The following RIMBP2 variants were observed in gnomAD, a reference collection of about 807,000 sequenced individuals.
RIMBP2 encodes RIMS binding protein 2.
A neutral mutation model predicts 118.6 loss-of-function variants in RIMBP2; 48 were observed. The ratio of observed to expected loss-of-function variants is 0.40; its 90% CI spans 0.32 to 0.51. RIMBP2 has a LOEUF of 0.51. RIMBP2 is among the 20% of genes least tolerant of loss of function. RIMBP2 has a pLI of 0.41. For missense variants in RIMBP2, 1,551 were observed against 1,768.3 expected (o/e 0.88, Z 2.20); for synonymous variants, 762 against 742.9 (o/e 1.03, Z -0.42).
chr12:130,451,468 C>T (rs1247604375), intron 7 of RIMBP2, 128 bp from the exon 8 acceptor site: 3 of 994,044 alleles, frequency 3.0e-6, no homozygotes, highest in South Asian at 1.7e-5. Context: ...ATTTTGGGGT[C>T]CACCCGTCTC....
At chr12:130,412,385 C>G (rs1015554276) in intron 19 of RIMBP2, among the ~76,000 whole-genome samples, 1 of 152,216 alleles carries the variant, frequency 6.6e-6, no homozygotes, top group African/African-American at 2.4e-5. Flanking sequence ...ATTAGATCAT[C>G]TGTGTCTTCA....
At chr12:130,404,701 G>T (rs1771441351) in intron 21 of RIMBP2, among the ~76,000 whole-genome samples, 2 of 152,212 alleles carry the variant, frequency 1.3e-5, no homozygotes, top group Non-Finnish European at 2.9e-5. Flanking sequence ...CGCATGCTAT[G>T]TCAGAATTGA....
intron 1 of RIMBP2, among the ~76,000 whole-genome samples, chr12:130,705,658 C>G (rs549563382): frequency 6.6e-5 from 10 of 152,370 alleles, no homozygotes; most frequent in Admixed American, 3.9e-4. Context: ...TGCTCTTTCT[C>G]TCCTTCTGTG....
intron 2 of RIMBP2, among the ~76,000 whole-genome samples, chr12:130,532,679 A>G (rs1451112146): frequency 7.8e-6 from 1 of 128,640 alleles, no homozygotes; most frequent in African/African-American, 2.7e-5. Flanking sequence ...AGGGACGTCT[A>G]ATGAGATGCG....
intron 2 of RIMBP2, among the ~76,000 whole-genome samples, chr12:130,557,649 T>C (rs1460667477): frequency 6.6e-6 from 1 of 152,190 alleles, no homozygotes; most frequent in Non-Finnish European, 1.5e-5. Context: ...TGTGTGTTGT[T>C]TGAAGCCACC....
chr12:130,521,201 G>A (rs1485155261), intron 2 of RIMBP2, among the ~76,000 whole-genome samples: 3 of 152,172 alleles, frequency 2.0e-5, no homozygotes, highest in Non-Finnish European at 4.4e-5. Context: ...ACAGGGAGGT[G>A]GACACTACCC....
chr12:130,529,612 T>C (rs1023124719), intron 2 of RIMBP2, among the ~76,000 whole-genome samples: 1 of 152,192 alleles, frequency 6.6e-6, no homozygotes, highest in Admixed American at 6.5e-5. Flanking sequence ...GTTAATTTTA[T>C]GTTATGTCAA....
At chr12:130,453,069 T>C (rs1187707878) in intron 7 of RIMBP2, among the ~76,000 whole-genome samples, 1 of 152,154 alleles carries the variant, frequency 6.6e-6, no homozygotes, top group East Asian at 1.9e-4. Flanking sequence ...ACGTATGTTC[T>C]AGAAAAATAT....
At position 130,438,443 on chromosome 12, in the gene RIMBP2, T is replaced by C. The variant is rs1190288945; in HGVS notation, c.1578A>G (p.Arg526=). The change falls in exon 12 of 23, where the codon AGA becomes AGG. Residue 526 remains arginine (R), a synonymous_variant. Coordinates refer to ENST00000690449, the MANE Select transcript of RIMBP2 (RefSeq NM_001393629.1). The part of the protein sequence containing the change: ...VTPATIRVSW[R]PPVLTPTGLS... ...GCCCGGTGGGCGTCAGCACAGGTGGTCTCCAGGAGACCCGGATGGTGGCGG... is the reference window on the plus strand; with the variant it reads ...GCCCGGTGGGCGTCAGCACAGGTGGCCTCCAGGAGACCCGGATGGTGGCGG... 2.5e-6 allele frequency: 4 copies of C among 1,608,952 alleles called. No individual in the cohort carries two copies. In the African/African-American group the frequency reaches 5.5e-5, roughly 22 times the overall value.
At chr12:130,438,341 C>CCG (rs1555249208) in intron 12 of RIMBP2, 24 bp downstream of exon 12, 3 of 1,387,658 alleles carry the variant, frequency 2.2e-6, no homozygotes. Context: ...ACAAACCCTC[C>CCG]CCACCCACCC....
chr12:130,523,044 CTGTCTCTA>C lies in RIMBP2; in HGVS notation c.-216-5135_-216-5128del, dbSNP rs2052337231. Among the ~76,000 whole-genome samples, 1 of 151,978 alleles carries C rather than the reference CTGTCTCTA, an allele frequency of 6.6e-6. No individual in the cohort carries two copies. Among genetic ancestry groups the C allele is most frequent in the Non-Finnish European group, 1.5e-5 (1 of 67,992 alleles). On this transcript the variant is annotated intron_variant, in intron 2 of 22. Transcript: ENST00000690449. The surrounding 1 kb of genome is among the most constrained non-coding windows in gnomAD (Gnocchi z 4.4). The stretch of plus-strand genomic sequence containing the variant: ...TATCTCTCTGTTCATTTTTCTGGCT[CTGTCTCTA>C]TGTCTCTCTGCCTCTCTGTCTCTGT...
At chr12:130,637,306 C>A (rs1306920912) in intron 1 of RIMBP2, among the ~76,000 whole-genome samples, 1 of 152,194 alleles carries the variant, frequency 6.6e-6, no homozygotes, top group African/African-American at 2.4e-5. Context: ...GGAGTAGAGT[C>A]CTTGTTGGTC....
chr12:130,423,105 C>A (rs1012280579), intron 16 of RIMBP2, among the ~76,000 whole-genome samples: 14 of 152,204 alleles, frequency 9.2e-5, no homozygotes, highest in African/African-American at 3.4e-4. Flanking sequence ...CATTCTAGGA[C>A]TCAGACGGGT....
intron 1 of RIMBP2, among the ~76,000 whole-genome samples, chr12:130,672,294 T>G (rs2064236243): frequency 6.6e-6 from 1 of 152,238 alleles, no homozygotes; most frequent in Non-Finnish European, 1.5e-5. Context: ...TACGACTCAT[T>G]AAATCAATTA....
At chr12:130,542,117 T>C (rs1007698032) in intron 2 of RIMBP2, among the ~76,000 whole-genome samples, 8 of 146,922 alleles carry the variant, frequency 5.4e-5, no homozygotes, top group East Asian at 2.6e-4. Flanking sequence ...GGTAAAAATA[T>C]GTTCTATGAA....
In RIMBP2 at chr12:130,442,003, T is replaced by C. The variant is rs774679292; in HGVS notation, c.1349A>G (p.Lys450Arg). Residue 450 changes from lysine (K) to arginine (R), a missense_variant, in exon 11 of 23, where the codon AAG becomes AGG. Coordinates refer to ENST00000690449, the MANE Select transcript of RIMBP2 (RefSeq NM_001393629.1). The surrounding 1 kb of genome is among the most constrained non-coding windows in gnomAD (Gnocchi z 6.9). ...FLNEEEFDIV[K>R]AARYKYQFFN... is the part of the protein sequence containing the mutation. ...GAACTGGTACTTGTACCTGGCGGCC[T>C]TGACGATGTCGAACTCCTCCTCGTT... 11 of 1,614,184 alleles carry C rather than the reference T, an allele frequency of 6.8e-6. No individual in the cohort carries two copies. The highest frequency in any genetic ancestry group is 7.6e-6 in the Non-Finnish European group (9 of 1,180,046).
intron 2 of RIMBP2, among the ~76,000 whole-genome samples, chr12:130,577,662 G>A (rs1342682292): frequency 6.6e-6 from 1 of 152,104 alleles, no homozygotes; most frequent in Admixed American, 6.5e-5. Flanking sequence ...TGAGATTTAG[G>A]CAGGGACACA....
chr12:130,612,808 G>A (rs539305910), intron 2 of RIMBP2, among the ~76,000 whole-genome samples: 1 of 152,278 alleles, frequency 6.6e-6, no homozygotes, highest in East Asian at 1.9e-4. Context: ...CCCCATCCGG[G>A]TGAAGCAAGG....
chr12:130,602,660 C>T (rs1285812920), intron 2 of RIMBP2, among the ~76,000 whole-genome samples: 2 of 152,120 alleles, frequency 1.3e-5, no homozygotes, highest in Non-Finnish European at 2.9e-5. Flanking sequence ...TTGTCTGATG[C>T]GTAAGTAACA....
Sources: gnomAD v4.1 joint callset for allele counts (sites outside exome capture counted in the v4.1 genomes callset) on GRCh38, gnomAD v4.1.1 for gene constraint, Gnocchi (gnomAD v3.1) non-coding constraint, MANE v1.5 for transcripts, NCBI Gene and HGNC (gene_info 2026-07-23, HGNC 2026-07-21) for gene names.